Variants in BACE2 observed in about 807,000 individuals in gnomAD.
BACE2 encodes 56 kDa aspartic-like protease.
Under a neutral mutation model 46.2 loss-of-function variants are expected in BACE2, and 17 were observed. The observed-to-expected ratio is 0.37, with a 90% CI of 0.25 to 0.55. BACE2 has a LOEUF of 0.55. Ranked by LOEUF, BACE2 falls within the 20% of genes least tolerant of loss-of-function variation. The pLI is 0.82. For missense variants in BACE2, 595 were observed against 698.1 expected (o/e 0.85, Z 1.66); for synonymous variants, 277 against 295.9 (o/e 0.94, Z 0.66).
At chr21:41,261,120 G>C (rs2123635589) in intron 8 of BACE2, among the ~76,000 whole-genome samples, 1 of 152,276 alleles carries the variant, frequency 6.6e-6, no homozygotes, top group South Asian at 2.1e-4. Flanking sequence ...CCGTACTGCA[G>C]TGAACGTCTT....
At chr21:41,264,212 G>A (rs549426951) in intron 8 of BACE2, among the ~76,000 whole-genome samples, 1 of 150,248 alleles carries the variant, frequency 6.7e-6, no homozygotes, top group South Asian at 2.1e-4. Context: ...TGGTTTGGGG[G>A]TCTTTTTTTT....
At chr21:41,203,106 C>T (rs1986011043) in intron 1 of BACE2, among the ~76,000 whole-genome samples, 1 of 152,156 alleles carries the variant, frequency 6.6e-6, no homozygotes, top group Admixed American at 6.5e-5. Context: ...CACCAAAAAT[C>T]CTGCCTTCTT....
At chr21:41,175,641 A>G (rs188067669) in intron 1 of BACE2, 1 of 152,870 alleles carries the variant, frequency 6.5e-6, no homozygotes, top group African/African-American at 2.4e-5. Context: ...ACCAGCAGCC[A>G]AAGAAAACAA....
At chr21:41,213,379 C>T (rs1005870220) in intron 1 of BACE2, among the ~76,000 whole-genome samples, 2 of 152,166 alleles carry the variant, frequency 1.3e-5, no homozygotes, top group Non-Finnish European at 2.9e-5. Flanking sequence ...TACGGTTTAT[C>T]GTTTACTCTC....
chr21:41,190,878 T>C (rs573688923), intron 1 of BACE2, among the ~76,000 whole-genome samples: 71 of 152,338 alleles, frequency 4.7e-4, no homozygotes, highest in African/African-American at 1.7e-3. Flanking sequence ...TCTTAGCCTG[T>C]TGACTTAAAG....
At position 41,237,588 on chromosome 21, in the gene BACE2, G is replaced by A; in HGVS notation, c.477G>A (p.Gly159=). Residue 159 remains glycine, a synonymous_variant, in exon 3 of 9, where the codon GGG becomes GGA. Transcript: ENST00000330333. ...AAGGAAGCTGGACGGGCTTCGTTGGGGAAGACCTCGTCACCATCCCCAAAG... is the reference window on the plus strand; with the variant it reads ...AAGGAAGCTGGACGGGCTTCGTTGGAGAAGACCTCGTCACCATCCCCAAAG... ...YTQGSWTGFV[G]EDLVTIPKGF... 1 of 1,614,238 alleles carries A rather than the reference G, an allele frequency of 6.2e-7. No homozygotes were observed. The highest frequency in any genetic ancestry group is 8.5e-7 in the Non-Finnish European group (1 of 1,180,046).
chr21:41,209,556 G>T (rs187861108), intron 1 of BACE2, among the ~76,000 whole-genome samples: 1 of 152,162 alleles, frequency 6.6e-6, no homozygotes, highest in Non-Finnish European at 1.5e-5. Context: ...AGAAAAAGCC[G>T]CACTACCCCT....
intron 8 of BACE2, among the ~76,000 whole-genome samples, chr21:41,258,335 G>C (rs1987844936): frequency 6.6e-6 from 1 of 152,200 alleles, no homozygotes; most frequent in South Asian, 2.1e-4. Context: ...AAGGAAAGGG[G>C]GTTTTGTAGG....
chr21:41,175,212 G>C (rs1046134235), intron 1 of BACE2: 9 of 152,334 alleles, frequency 5.9e-5, no homozygotes, highest in African/African-American at 1.7e-4. Context: ...AATGCTTGCT[G>C]TCCAGCCCAG....
intron 1 of BACE2, among the ~76,000 whole-genome samples, chr21:41,195,564 A>G (rs1985706137): frequency 6.6e-6 from 1 of 152,212 alleles, no homozygotes; most frequent in Non-Finnish European, 1.5e-5. Context: ...GTGCAGTCAA[A>G]TACAAAACTT....
chr21:41,211,642 C>T (rs547942583), intron 1 of BACE2, among the ~76,000 whole-genome samples: 7 of 152,324 alleles, frequency 4.6e-5, no homozygotes, highest in South Asian at 4.1e-4. Flanking sequence ...GCTGTGGGTT[C>T]GGCTTGCCGG....
chr21:41,268,447 GA>G (rs1339710785), intron 8 of BACE2, among the ~76,000 whole-genome samples: 1 of 152,202 alleles, frequency 6.6e-6, no homozygotes, highest in Admixed American at 6.5e-5. Flanking sequence ...GGCATTCCTG[GA>G]AAAAGCCCCC....
intron 1 of BACE2, among the ~76,000 whole-genome samples, chr21:41,220,445 G>A (rs985906988): frequency 3.3e-5 from 5 of 152,094 alleles, no homozygotes; most frequent in African/African-American, 7.2e-5. Context: ...CCCCCATCCC[G>A]AAGCTACCTA....
chr21:41,226,225 T>A, intron 1 of BACE2, 41 bp from the exon 2 acceptor site: 1 of 1,506,528 alleles, frequency 6.6e-7, no homozygotes, highest in Non-Finnish European at 9.2e-7. Flanking sequence ...TTAAAATAAC[T>A]TGATGCTTTC....
chr21:41,238,282 T>C (rs1987183275), intron 3 of BACE2, among the ~76,000 whole-genome samples: 2 of 152,224 alleles, frequency 1.3e-5, no homozygotes, highest in South Asian at 2.1e-4. Context: ...CCCAGAGGAA[T>C]TGTGGAACCC....
intron 8 of BACE2, among the ~76,000 whole-genome samples, chr21:41,265,668 T>G (rs1369334693): frequency 2.0e-5 from 3 of 152,234 alleles, no homozygotes; most frequent in Non-Finnish European, 2.9e-5. Flanking sequence ...TGTATTAATT[T>G]GTAGGAACTC....
intron 1 of BACE2, among the ~76,000 whole-genome samples, chr21:41,222,555 C>T (rs1986691142): frequency 6.6e-6 from 1 of 152,212 alleles, no homozygotes; most frequent in South Asian, 2.1e-4. Context: ...GGAGTGATGT[C>T]AGGGCATGGC....
At chr21:41,261,056 A>G (rs1393089561) in intron 8 of BACE2, among the ~76,000 whole-genome samples, 2 of 152,114 alleles carry the variant, frequency 1.3e-5, no homozygotes, top group Non-Finnish European at 2.9e-5. Context: ...TACCCAGATT[A>G]CCCATTTTTA....
At chr21:41,262,101 C>T (rs1197724692) in intron 8 of BACE2, among the ~76,000 whole-genome samples, 1 of 152,138 alleles carries the variant, frequency 6.6e-6, no homozygotes, top group East Asian at 1.9e-4. Flanking sequence ...ATGTAGACCA[C>T]ATGCATATTT....
Sources: allele counts gnomAD v4.1 joint callset (sites outside exome capture counted in the v4.1 genomes callset), GRCh38; gene constraint gnomAD v4.1.1; transcripts MANE v1.5; gene names NCBI Gene and HGNC (gene_info 2026-07-23, HGNC 2026-07-21).